MTOR: variants seen among roughly 807,000 people sequenced by gnomAD.
MTOR encodes the protein mechanistic target of rapamycin kinase.
In MTOR, 70 loss-of-function variants were observed where a neutral mutation model predicts 319.8. That is an observed-to-expected ratio of 0.22 (90% CI 0.18 to 0.27). MTOR has a LOEUF of 0.27. MTOR is among the 10% of genes least tolerant of loss of function. The probability of loss-of-function intolerance (pLI) is 1.00; values close to 1 mark genes in which losing one functional copy is unlikely to be tolerated. For missense variants in MTOR, 1,890 were observed against 3,274.4 expected, an observed-to-expected ratio of 0.58 and a Z score of 10.32; for synonymous variants, 1,183 against 1,211.4, an observed-to-expected ratio of 0.98 and a Z score of 0.49.
At chr1:11,251,114 C>T (rs1649609855) in intron 6 of MTOR, among the ~76,000 whole-genome samples, 1 of 152,056 alleles carries the variant, frequency 6.6e-6, no homozygotes, top group South Asian at 2.1e-4. Flanking sequence ...CTGCTCAAAG[C>T]CCACTTATAG....
At chr1:11,252,849 CACT>C (rs754337512) in intron 6 of MTOR, among the ~76,000 whole-genome samples, 3 of 152,162 alleles carry the variant, frequency 2.0e-5, no homozygotes, top group Non-Finnish European at 2.9e-5. Flanking sequence ...TCAAAGCCAC[CACT>C]GTCACTCACC....
At chr1:11,252,246 T>C in intron 6 of MTOR, among the ~76,000 whole-genome samples, 1 of 152,306 alleles carries the variant, frequency 6.6e-6, no homozygotes. Context: ...TAAAAATTTG[T>C]ATTATCTTTA....
In MTOR at chr1:11,194,908, G is replaced by A. The variant is rs140548526; in HGVS notation, c.4253+4350C>T. On this transcript the variant is annotated intron_variant, in intron 28 of 57. Coordinates refer to ENST00000361445, the MANE Select transcript of MTOR (RefSeq NM_004958.4). ...TCCAACCTCAATGGAGTGTACTACC[G>A]CCTGGGTGAGCACAATAAGCACCTG... 107 of 1,614,020 alleles carry A rather than the reference G, an allele frequency of 6.6e-5. No homozygotes were observed. Among genetic ancestry groups the A allele is most frequent in the African/African-American group, 9.3e-5 (7 of 74,890 alleles).
intron 8 of MTOR, among the ~76,000 whole-genome samples, chr1:11,246,521 G>C (rs534385138): frequency 1.3e-5 from 2 of 152,192 alleles, no homozygotes; most frequent in Admixed American, 6.5e-5. Flanking sequence ...GTGGCGAATT[G>C]TCATGTCCTC....
intron 57 of MTOR, 136 bp from the exon 58 acceptor site, chr1:11,107,636 T>C (rs1557733261): frequency 4.7e-5 from 41 of 877,772 alleles, no homozygotes; most frequent in Non-Finnish European, 5.3e-5. Context: ...GCTAATTGCA[T>C]GGGACACACT....
intron 28 of MTOR, among the ~76,000 whole-genome samples, chr1:11,175,615 AGCGGGTG>A (rs1403555941): frequency 1.3e-5 from 2 of 152,224 alleles, no homozygotes; most frequent in African/African-American, 4.8e-5. Flanking sequence ...CGAGCTGAGC[AGCGGGTG>A]GTTCAGCTGT....
chr1:11,193,612 C>G (rs1645644083), intron 28 of MTOR: 1 of 1,608,382 alleles, frequency 6.2e-7, no homozygotes, highest in African/African-American at 1.3e-5. Context: ...CAGGCGGAGG[C>G]TGGACCATCA....
intron 25 of MTOR, among the ~76,000 whole-genome samples, chr1:11,207,359 C>T (rs1646167910): frequency 6.6e-6 from 1 of 151,180 alleles, no homozygotes; most frequent in African/African-American, 2.4e-5. Flanking sequence ...GCCTGGCTTC[C>T]CAAAGTGTTG....
At chr1:11,201,017 A>G (rs1645952316) in intron 26 of MTOR, among the ~76,000 whole-genome samples, 1 of 151,396 alleles carries the variant, frequency 6.6e-6, no homozygotes, top group Admixed American at 6.6e-5. Flanking sequence ...TCTGTTTCAA[A>G]AAAAAAAAAA....
At chr1:11,185,269 T>C (rs1645277713) in intron 28 of MTOR, among the ~76,000 whole-genome samples, 1 of 150,474 alleles carries the variant, frequency 6.6e-6, no homozygotes, top group Non-Finnish European at 1.5e-5. Flanking sequence ...TTTTTTACTA[T>C]ATTCCATAAT....
chr1:11,127,126 T>C lies in MTOR; in HGVS notation c.6235A>G (p.Met2079Val), dbSNP rs773938354. The C allele has an allele frequency of 3.7e-6, 6 of 1,614,200 alleles. No homozygotes were observed. Among genetic ancestry groups the C allele is most frequent in the Non-Finnish European group, 5.1e-6 (6 of 1,180,042 alleles). ...SFNQAYGRDL[M>V]EAQEWCRKYM... The stretch of plus-strand genomic sequence containing the variant: ...TTCCTGCACCACTCTTGGGCCTCCA[T>C]TAAATCTCGACCATAGGCCTGAGAG... Residue 2079 changes from methionine (M) to valine (V), a missense_variant, in exon 45 of 58, where the codon ATG becomes GTG. By Grantham distance (21) the Met-to-Val change is conservative. Around this residue, in one of 15 missense-constraint regions of MTOR, gnomAD observed 249 missense variants for 596.2 expected, o/e 0.42. Transcript: ENST00000361445. The surrounding 1 kb of genome is among the most constrained non-coding windows in gnomAD (Gnocchi z 5.5).
At chr1:11,122,165 G>A in intron 47 of MTOR, 39 bp from the exon 48 acceptor site, 1 of 1,613,180 alleles carries the variant, frequency 6.2e-7, no homozygotes, top group Non-Finnish European at 8.5e-7. Flanking sequence ...GTACCGTAAA[G>A]AGAGTATACC....
intron 29 of MTOR, among the ~76,000 whole-genome samples, chr1:11,161,071 G>A (rs921515777): frequency 4.6e-5 from 7 of 152,162 alleles, no homozygotes; most frequent in South Asian, 2.1e-4. Context: ...CTGGAAAATC[G>A]GGTCACTCCC....
At chr1:11,249,244 T>C (rs1649267921) in intron 6 of MTOR, among the ~76,000 whole-genome samples, 1 of 151,446 alleles carries the variant, frequency 6.6e-6, no homozygotes, top group African/African-American at 2.4e-5. Flanking sequence ...GGGAGGGGGG[T>C]TGGGGACTAC....
At chr1:11,186,777 G>A (rs1478491541) in intron 28 of MTOR, among the ~76,000 whole-genome samples, 1 of 152,152 alleles carries the variant, frequency 6.6e-6, no homozygotes, top group Non-Finnish European at 1.5e-5. Context: ...ACATCATAAG[G>A]TTGTGGATGT....
In MTOR at chr1:11,127,292, T is replaced by A; in HGVS notation, c.6217-148A>T. On this transcript the variant is annotated intron_variant, in intron 44 of 57. Transcript: ENST00000361445. The surrounding 1 kb of genome is among the most constrained non-coding windows in gnomAD (Gnocchi z 5.5). ...GGGCTGGAGAAAGCAAGAGCATAGGTGCAGGCCTCCAACCCTGGAGCTTCC... is the reference window on the plus strand; with the variant it reads ...GGGCTGGAGAAAGCAAGAGCATAGGAGCAGGCCTCCAACCCTGGAGCTTCC... The A allele has an allele frequency of 8.9e-7, 1 of 1,128,742 alleles. No individual in the cohort carries two copies. Among genetic ancestry groups the A allele is most frequent in the South Asian group, 1.6e-5 (1 of 62,994 alleles). The allele number at this position is 1,128,742 out of a possible 1,614,324, so 69.9% of individuals were successfully genotyped here.
chr1:11,219,720 G>A (rs1205729109), intron 19 of MTOR, among the ~76,000 whole-genome samples: 2 of 152,134 alleles, frequency 1.3e-5, no homozygotes, highest in Admixed American at 1.3e-4. Flanking sequence ...TGTTTAAAAT[G>A]CCTTAAAAAA....
chr1:11,185,807 C>T (rs1288947938), intron 28 of MTOR, among the ~76,000 whole-genome samples: 4 of 152,002 alleles, frequency 2.6e-5, no homozygotes, highest in Non-Finnish European at 4.4e-5. Flanking sequence ...TGTGGCCGGG[C>T]ATGATGACTC....
At chr1:11,210,271 C>T (rs1245926422) in intron 24 of MTOR, among the ~76,000 whole-genome samples, 1 of 152,192 alleles carries the variant, frequency 6.6e-6, no homozygotes, top group Non-Finnish European at 1.5e-5. Context: ...ACTTCAGCCT[C>T]CTCGGTAACT....
Sources: gnomAD v4.1 joint callset for allele counts (sites outside exome capture counted in the v4.1 genomes callset) on GRCh38, gnomAD v4.1.1 for gene constraint, gnomAD v4.1.1 regional missense constraint, Gnocchi (gnomAD v3.1) non-coding constraint, MANE v1.5 for transcripts, NCBI Gene and HGNC (gene_info 2026-07-23, HGNC 2026-07-21) for gene names.